Variants in NXPH1 observed in about 807,000 individuals in gnomAD.
NXPH1 encodes neurexophilin-1.
In NXPH1, 5 loss-of-function variants were observed where a neutral mutation model predicts 23.7. The observed-to-expected ratio is 0.21, with a 90% CI of 0.11 to 0.44. NXPH1 has a LOEUF of 0.44. Ranked by LOEUF, NXPH1 falls within the 20% of genes least tolerant of loss-of-function variation. The pLI, the probability that NXPH1 is intolerant of heterozygous loss-of-function variation, is 0.99. For synonymous variants in NXPH1, 144 were observed against 122.2 expected (o/e 1.18, Z -1.18); for missense variants, 324 against 321.6 (o/e 1.01, Z -0.06).
chr7:8,540,848 T>A (rs565422413), intron 2 of NXPH1, among the ~76,000 whole-genome samples: 1 of 151,880 alleles, frequency 6.6e-6, no homozygotes, highest in South Asian at 2.1e-4. Context: ...CTTGTCTCAG[T>A]GGTGAAGAAT....
chr7:8,604,710 A>C (rs1819444404), intron 2 of NXPH1, among the ~76,000 whole-genome samples: 1 of 152,136 alleles, frequency 6.6e-6, no homozygotes, highest in Non-Finnish European at 1.5e-5. Context: ...CTAAAACAAG[A>C]TATTATAGGC....
At chr7:8,483,389 G>C (rs572950752) in intron 2 of NXPH1, among the ~76,000 whole-genome samples, 1 of 151,972 alleles carries the variant, frequency 6.6e-6, no homozygotes, top group Non-Finnish European at 1.5e-5. Flanking sequence ...GGAGTAGAGT[G>C]GTGTGATCTT....
At chr7:8,734,584 T>C (rs1283754183) in intron 2 of NXPH1, among the ~76,000 whole-genome samples, 7 of 152,110 alleles carry the variant, frequency 4.6e-5, no homozygotes, top group African/African-American at 1.7e-4. Context: ...CGTTCTTTTG[T>C]ATTTGCTGAG....
intron 2 of NXPH1, among the ~76,000 whole-genome samples, chr7:8,727,477 C>G (rs1302432661): frequency 6.8e-6 from 1 of 147,930 alleles, no homozygotes; most frequent in African/African-American, 2.5e-5. Flanking sequence ...TTAGGTCTAA[C>G]GTTTAAGTCT....
chr7:8,484,020 A>G (rs1373743934), intron 2 of NXPH1, among the ~76,000 whole-genome samples: 1 of 137,816 alleles, frequency 7.3e-6, no homozygotes, highest in African/African-American at 2.9e-5. Flanking sequence ...AATGTTTTTT[A>G]TAGTCTTGTC....
chr7:8,459,595 A>G (rs1816657265), intron 2 of NXPH1, among the ~76,000 whole-genome samples: 1 of 152,184 alleles, frequency 6.6e-6, no homozygotes, highest in South Asian at 2.1e-4. Context: ...AAATGCAGTC[A>G]CTGCTTTCCC....
intron 2 of NXPH1, among the ~76,000 whole-genome samples, chr7:8,459,724 G>A (rs748458052): frequency 1.3e-5 from 2 of 152,132 alleles, no homozygotes; most frequent in African/African-American, 2.4e-5. Flanking sequence ...AAAGGGTAAG[G>A]AAAATCTAGG....
intron 2 of NXPH1, among the ~76,000 whole-genome samples, chr7:8,602,733 C>T (rs1460809463): frequency 1.3e-5 from 2 of 152,166 alleles, no homozygotes; most frequent in African/African-American, 2.4e-5. Flanking sequence ...CTCCACTCTG[C>T]TATTATCTGT....
intron 2 of NXPH1, among the ~76,000 whole-genome samples, chr7:8,439,988 G>T (rs926809329): frequency 2.0e-5 from 3 of 152,184 alleles, no homozygotes; most frequent in Admixed American, 1.3e-4. Context: ...TTTCCTGACA[G>T]TGGCTATTAA....
At chr7:8,467,274 A>G (rs1351745219) in intron 2 of NXPH1, among the ~76,000 whole-genome samples, 1 of 152,160 alleles carries the variant, frequency 6.6e-6, no homozygotes, top group East Asian at 1.9e-4. Flanking sequence ...AGATCTATGA[A>G]AGGGTATTAA....
chr7:8,473,481 G>C (rs185870144), intron 2 of NXPH1, among the ~76,000 whole-genome samples: 10 of 151,982 alleles, frequency 6.6e-5, no homozygotes, highest in African/African-American at 2.4e-4. Context: ...CTGGCATGCG[G>C]GTGTGAGGCT....
intron 2 of NXPH1, among the ~76,000 whole-genome samples, chr7:8,500,430 A>G (rs1817412673): frequency 1.3e-5 from 2 of 152,008 alleles, no homozygotes; most frequent in African/African-American, 4.8e-5. Context: ...CGAGCGTGGC[A>G]TTTTCTAGCT....
intron 2 of NXPH1, among the ~76,000 whole-genome samples, chr7:8,445,576 G>C (rs1440267861): frequency 6.6e-6 from 1 of 152,140 alleles, no homozygotes; most frequent in Non-Finnish European, 1.5e-5. Context: ...AAAGAAAGAG[G>C]CACTTTCTTC....
At chr7:8,490,410 G>GTTT (rs576239702) in intron 2 of NXPH1, among the ~76,000 whole-genome samples, 61 of 139,800 alleles carry the variant, frequency 4.4e-4, no homozygotes, top group African/African-American at 1.4e-3. Context: ...TACACAGGCT[G>GTTT]TTTTTTTTTT....
intron 2 of NXPH1, among the ~76,000 whole-genome samples, chr7:8,478,392 A>T (rs2128609473): frequency 6.6e-6 from 1 of 152,246 alleles, no homozygotes; most frequent in South Asian, 2.1e-4. Context: ...CAGAAATTTA[A>T]AAAATATCAG....
intron 2 of NXPH1, among the ~76,000 whole-genome samples, chr7:8,443,729 A>C (rs1816347537): frequency 6.6e-6 from 1 of 152,230 alleles, no homozygotes; most frequent in South Asian, 2.1e-4. Context: ...TGGGGGATGC[A>C]GCCTCATTAT....
At chr7:8,659,455 C>A (rs368504178) in intron 2 of NXPH1, among the ~76,000 whole-genome samples, 63 of 152,232 alleles carry the variant, frequency 4.1e-4, no homozygotes, top group African/African-American at 1.5e-3. Flanking sequence ...GTCTGGAAAC[C>A]GTCATTCTCA....
At chr7:8,680,260 G>C (rs1206995501) in intron 2 of NXPH1, among the ~76,000 whole-genome samples, 2 of 152,220 alleles carry the variant, frequency 1.3e-5, no homozygotes, top group Non-Finnish European at 2.9e-5. Flanking sequence ...AATGTGGTAA[G>C]AGTTTGCTGG....
At chr7:8,494,280 T>C (rs894897738) in intron 2 of NXPH1, among the ~76,000 whole-genome samples, 9 of 152,068 alleles carry the variant, frequency 5.9e-5, no homozygotes, top group Non-Finnish European at 1.2e-4. Context: ...AAGGAATTAA[T>C]TTTCATTGAC....
Sources: gnomAD v4.1 joint callset for allele counts (sites outside exome capture counted in the v4.1 genomes callset) on GRCh38, gnomAD v4.1.1 for gene constraint, MANE v1.5 for transcripts, NCBI Gene and HGNC (gene_info 2026-07-23, HGNC 2026-07-21) for gene names.